Variants in ABHD2 observed in about 807,000 individuals in gnomAD.
ABHD2 encodes the protein monoacylglycerol lipase ABHD2.
In ABHD2, 20 loss-of-function variants were observed where a neutral mutation model predicts 48.1. The ratio of observed to expected loss-of-function variants is 0.42; its 90% CI spans 0.29 to 0.60. The LOEUF (loss-of-function observed/expected upper bound fraction) is 0.60, where lower values mean the gene tolerates loss of function less well. Among genes scored for constraint, ABHD2 ranks in the 20% least tolerant of loss-of-function variants. ABHD2 has a pLI of 0.24. For missense variants in ABHD2, 405 were observed against 550.9 expected, an observed-to-expected ratio of 0.74 and a Z score of 2.65; for synonymous variants, 209 against 214.2, an observed-to-expected ratio of 0.98 and a Z score of 0.21.
At chr15:89,076,612 T>C in the ABHD2 span, among the ~76,000 whole-genome samples, 13 of 152,066 alleles carry the variant, frequency 8.5e-5, no homozygotes, top group Non-Finnish European at 1.6e-4. Context: ...GCCTCCCAAG[T>C]AGCTGGGACT....
intron 5 of ABHD2, among the ~76,000 whole-genome samples, chr15:89,160,507 T>A (rs1385845664): frequency 6.6e-6 from 1 of 152,042 alleles, no homozygotes; most frequent in Admixed American, 6.5e-5. Flanking sequence ...TTTTTTTTCT[T>A]TTTTCATTTG....
intron 6 of ABHD2, chr15:89,183,382 AAAATATATATATATATAT>A (rs1216908006): frequency 1.8e-4 from 10 of 55,568 alleles, no homozygotes; most frequent in African/African-American, 3.1e-4. Context: ...AAAAAAAAAA[AAAATATATATATATATAT>A]ATATATATAT....
At chr15:89,117,401 A>T (rs1400984354) in intron 3 of ABHD2, among the ~76,000 whole-genome samples, 3 of 152,196 alleles carry the variant, frequency 2.0e-5, no homozygotes, top group Non-Finnish European at 4.4e-5. Context: ...AAATGAAGGG[A>T]ATCTGCACTC....
Position 89,106,024 on chromosome 15 carries a change from A to G in ABHD2, c.-106-7701A>G, listed in dbSNP as rs1003437138. 1.3e-5 allele frequency among the ~76,000 whole-genome samples: 2 copies of G among 152,140 alleles called. No individual in the cohort carries two copies. Among genetic ancestry groups the G allele is most frequent in the African/African-American group, 4.8e-5 (2 of 41,436 alleles). ...GCCGAGAGGTGGTCTTTTAAAACCC[A>G]GAGTATTGGCCAGGTGCAGTAGCTC... is the stretch of plus-strand genomic sequence containing the variant. On this transcript the variant is annotated intron_variant, in intron 1 of 10. Coordinates refer to ENST00000352732, the MANE Select transcript of ABHD2 (RefSeq NM_152924.5). This position sits in a 1 kb window ranked among gnomAD's most constrained non-coding sequence, Gnocchi z 4.2.
chr15:89,052,055 A>G, the ABHD2 span, among the ~76,000 whole-genome samples: 5 of 152,324 alleles, frequency 3.3e-5, no homozygotes, highest in African/African-American at 4.8e-5. Context: ...GCATTTTCCC[A>G]TGGGAACAAT....
intron 5 of ABHD2, among the ~76,000 whole-genome samples, chr15:89,171,147 T>G (rs909807496): frequency 6.6e-6 from 1 of 152,148 alleles, no homozygotes; most frequent in Non-Finnish European, 1.5e-5. Context: ...CATCCAGCTT[T>G]TCTGTCAACT....
chr15:89,092,657 T>C lies in ABHD2; in HGVS notation c.-107+4094T>C, dbSNP rs1322975370. ...ATCCTCCAGAAGTGGTCCCTGAACT[T>C]CCAAGGGATTTTATACATCTGTAAG... On this transcript the variant is annotated intron_variant, in intron 1 of 10. Transcript: ENST00000352732. This position sits in a 1 kb window ranked among gnomAD's most constrained non-coding sequence, Gnocchi z 4.4. 6.6e-6 allele frequency among the ~76,000 whole-genome samples: 1 copy of C among 152,226 alleles called. No individual in the cohort carries two copies. The highest frequency in any genetic ancestry group is 1.5e-5 in the Non-Finnish European group (1 of 68,034).
intron 3 of ABHD2, among the ~76,000 whole-genome samples, chr15:89,117,466 G>A (rs902729723): frequency 1.3e-5 from 2 of 152,232 alleles, no homozygotes; most frequent in African/African-American, 4.8e-5. Flanking sequence ...CTCTATAGAT[G>A]TCTTCTGAAT....
intron 1 of ABHD2, among the ~76,000 whole-genome samples, chr15:89,099,915 T>C (rs1390522693): frequency 1.3e-5 from 2 of 151,974 alleles, no homozygotes; most frequent in Non-Finnish European, 2.9e-5. Flanking sequence ...TCTCAAAAAA[T>C]AAGTAAATAA....
chr15:89,155,658 CG>C lies in ABHD2; in HGVS notation c.538+126del. On this transcript the variant is annotated intron_variant, in intron 5 of 10. Transcript: ENST00000352732. The surrounding 1 kb of genome is among the most constrained non-coding windows in gnomAD (Gnocchi z 4.9). ...CATCTGCAAGAGATGGTAGGTCACA[CG>C]GTTATATCAACAGCCAACTTGTACT... The C allele has an allele frequency of 8.0e-7, 1 of 1,242,414 alleles. No individual in the cohort carries two copies. The highest frequency in any genetic ancestry group is 1.5e-5 in the African/African-American group (1 of 66,220). The allele number at this position is 1,242,414 out of a possible 1,614,324, so 77.0% of individuals were successfully genotyped here.
At chr15:89,134,956 A>G (rs570411379) in intron 3 of ABHD2, among the ~76,000 whole-genome samples, 1 of 152,242 alleles carries the variant, frequency 6.6e-6, no homozygotes, top group South Asian at 2.1e-4. Flanking sequence ...ATTGCTTGCC[A>G]TTTTATGAGT....
intron 1 of ABHD2, among the ~76,000 whole-genome samples, chr15:89,109,827 C>G (rs2049845205): frequency 6.6e-6 from 1 of 152,190 alleles, no homozygotes; most frequent in South Asian, 2.1e-4. Context: ...ACACATGCTT[C>G]TACATTTTAT....
Position 89,115,732 on chromosome 15 carries a change from G to C in ABHD2, c.-6-590G>C, listed in dbSNP as rs565780644. ...AGCACTGGGGAGCCTGTGGGGAGCAGATGGCTGAGTCAGGCTGAGGTTGCT... is the reference window on the plus strand; with the variant it reads ...AGCACTGGGGAGCCTGTGGGGAGCACATGGCTGAGTCAGGCTGAGGTTGCT... On this transcript the variant is annotated intron_variant, in intron 2 of 10. Transcript: ENST00000352732. Among the ~76,000 whole-genome samples, 116 of 152,264 alleles carry C rather than the reference G, an allele frequency of 7.6e-4. 3 individuals are homozygous for C. The South Asian group carries it at 0.024, about 31-fold the overall frequency.
chr15:89,109,839 C>T (rs1294048993), intron 1 of ABHD2, among the ~76,000 whole-genome samples: 2 of 152,166 alleles, frequency 1.3e-5, no homozygotes, highest in East Asian at 3.9e-4. Context: ...ACATTTTATA[C>T]AGTCGTTCCT....
rs1567115931 is a variant in ABHD2, at chr15:89,195,656, G to C, written c.*233G>C. ...ATTGCATTGTTAGGCATGGTGACAA[G>C]TGACAGAGTTCTTGCCCTCTGTCCA... is the stretch of plus-strand genomic sequence containing the variant. On this transcript the variant is annotated 3_prime_UTR_variant, in exon 11 of 11. Transcript: ENST00000352732. The surrounding 1 kb of genome is among the most constrained non-coding windows in gnomAD (Gnocchi z 5.1). 2.1e-6 allele frequency: 1 copy of C among 473,780 alleles called. No homozygotes were observed. Among genetic ancestry groups the C allele is most frequent in the Non-Finnish European group, 3.7e-6 (1 of 267,464 alleles). 29.3% of individuals were successfully genotyped at this position (473,780 alleles called of 1,614,324 possible).
At position 89,179,222 on chromosome 15, in the gene ABHD2, C is replaced by A. The variant is rs1390623223; in HGVS notation, c.722+3227C>A. ...CCAGGCCAGGGGCAGAAGCCCCTTACAGCAGGGGTCCCAACTGCTGTTAGG... is the reference window on the plus strand; with the variant it reads ...CCAGGCCAGGGGCAGAAGCCCCTTAAAGCAGGGGTCCCAACTGCTGTTAGG... On this transcript the variant is annotated intron_variant, in intron 6 of 10. Coordinates refer to ENST00000352732, the MANE Select transcript of ABHD2 (RefSeq NM_152924.5). This position sits in a 1 kb window ranked among gnomAD's most constrained non-coding sequence, Gnocchi z 4.3. Among the ~76,000 whole-genome samples the A allele has an allele frequency of 6.6e-6, 1 of 152,220 alleles. No individual in the cohort carries two copies. The highest frequency in any genetic ancestry group is 6.5e-5 in the Admixed American group (1 of 15,288).
intron 5 of ABHD2, among the ~76,000 whole-genome samples, chr15:89,157,981 ATG>A (rs1034129971): frequency 3.8e-4 from 57 of 152,000 alleles, no homozygotes; most frequent in African/African-American, 1.4e-3. Flanking sequence ...AAAGAAAACA[ATG>A]GGGAATAATG....
At chr15:89,057,443 T>C in the ABHD2 span, among the ~76,000 whole-genome samples, 3 of 152,198 alleles carry the variant, frequency 2.0e-5, no homozygotes, top group East Asian at 5.8e-4. Flanking sequence ...CACTGGGAAG[T>C]TGGGGACTGG....
rs1310517464 is a variant in ABHD2 at position 89,166,801 on chromosome 15, C to T, written c.539-9011C>T. 5.9e-5 allele frequency among the ~76,000 whole-genome samples: 9 copies of T among 152,294 alleles called. No homozygotes were observed. In the East Asian group the frequency reaches 1.7e-3, roughly 29 times the overall value. ...TGAGCTACAGAGTGAGACCCTATCT[C>T]TTAAAACAAACAAACATATATACAA... is the stretch of plus-strand genomic sequence containing the variant. On this transcript the variant is annotated intron_variant, in intron 5 of 10. Coordinates refer to ENST00000352732, the MANE Select transcript of ABHD2 (RefSeq NM_152924.5). This position sits in a 1 kb window ranked among gnomAD's most constrained non-coding sequence, Gnocchi z 4.6.
Sources: gnomAD v4.1 joint callset for allele counts (sites outside exome capture counted in the v4.1 genomes callset) on GRCh38, gnomAD v4.1.1 for gene constraint, Gnocchi (gnomAD v3.1) non-coding constraint, MANE v1.5 for transcripts, NCBI Gene and HGNC (gene_info 2026-07-23, HGNC 2026-07-21) for gene names.